Variants in RNFT2 observed in about 807,000 individuals in gnomAD.
RNFT2 encodes the protein ring finger protein, transmembrane 2.
RNFT2 carries 36 observed loss-of-function variants against 53.0 expected under a neutral mutation model. That is an observed-to-expected ratio of 0.68 (90% CI 0.52 to 0.90). The LOEUF is 0.90. RNFT2 is among the 40% of genes least tolerant of loss of function. The pLI is 0.00. For missense variants in RNFT2, 514 were observed against 585.6 expected (o/e 0.88, Z 1.26); for synonymous variants, 260 against 253.2 (o/e 1.03, Z -0.26).
chr12:116,738,681 G>T (rs1871440524), intron 1 of RNFT2: 1 of 152,190 alleles, frequency 6.6e-6, no homozygotes, highest in Admixed American at 6.5e-5. Flanking sequence ...ATTAAAAAGC[G>T]TTTCATTCAT....
intron 10 of RNFT2, among the ~76,000 whole-genome samples, chr12:116,848,832 T>G (rs542318961): frequency 1.3e-5 from 2 of 152,248 alleles, no homozygotes; most frequent in South Asian, 4.1e-4. Context: ...TTTGTTTTTT[T>G]GTTTTTAGAC....
chr12:116,782,692 A>C (rs1033266485), intron 7 of RNFT2, among the ~76,000 whole-genome samples: 1 of 152,072 alleles, frequency 6.6e-6, no homozygotes, highest in Non-Finnish European at 1.5e-5. Flanking sequence ...TCAGTAACCC[A>C]CTGAATCTCT....
At chr12:116,813,722 A>G (rs1875499898) in intron 7 of RNFT2, among the ~76,000 whole-genome samples, 1 of 152,250 alleles carries the variant, frequency 6.6e-6, no homozygotes, top group Non-Finnish European at 1.5e-5. Context: ...AAGGTAATTA[A>G]TTCATGAGAA....
intron 7 of RNFT2, among the ~76,000 whole-genome samples, chr12:116,800,757 T>TG (rs1269911471): frequency 1.3e-5 from 2 of 151,726 alleles, no homozygotes; most frequent in African/African-American, 4.9e-5. Flanking sequence ...GAGGTTGCAG[T>TG]GAGCTGAGAT....
In RNFT2 at chr12:116,851,939, T is replaced by TG. The variant is rs1382001311; in HGVS notation, c.*2493dup. The TG allele has an allele frequency of 2.0e-6, 3 of 1,530,934 alleles. No homozygotes were observed. In the African/African-American group the frequency reaches 4.1e-5, roughly 21 times the overall value. 94.8% of individuals were successfully genotyped at this position (1,530,934 alleles called of 1,614,324 possible). ...CTCCTGTGGACATTGCCATCCCCTC[T>TG]GGTAGCCTTCAGAGCAAACAGGACA... On this transcript the variant is annotated 3_prime_UTR_variant, in exon 11 of 11. Transcript: ENST00000257575.
At chr12:116,837,927 T>C (rs1877058965) in intron 10 of RNFT2, among the ~76,000 whole-genome samples, 1 of 152,144 alleles carries the variant, frequency 6.6e-6, no homozygotes, top group African/African-American at 2.4e-5. Context: ...AAAAGTTTAC[T>C]TTAAAAAAAA....
At chr12:116,742,120 T>G (rs1049034428) in intron 3 of RNFT2, among the ~76,000 whole-genome samples, 1 of 152,018 alleles carries the variant, frequency 6.6e-6, no homozygotes, top group Non-Finnish European at 1.5e-5. Flanking sequence ...CCAGCAATAG[T>G]CAGAGGGCAG....
chr12:116,791,902 G>A (rs747791287), intron 7 of RNFT2, among the ~76,000 whole-genome samples: 2 of 152,170 alleles, frequency 1.3e-5, no homozygotes, highest in Non-Finnish European at 2.9e-5. Flanking sequence ...AATGAAAACA[G>A]CCAGAGGCTA....
At chr12:116,774,609 CTTTCAGATCACATCCATCTGTTT>C (rs1873342372) in intron 6 of RNFT2, among the ~76,000 whole-genome samples, 1 of 152,130 alleles carries the variant, frequency 6.6e-6, no homozygotes, top group Non-Finnish European at 1.5e-5. Context: ...TCAAGTCAGC[CTTTCAGATCACATCCATCTGTTT>C]TGAAAATGAA....
intron 10 of RNFT2, among the ~76,000 whole-genome samples, chr12:116,837,133 G>C (rs1313635325): frequency 1.3e-5 from 2 of 152,128 alleles, no homozygotes; most frequent in African/African-American, 4.8e-5. Flanking sequence ...GTGCTGGCCG[G>C]TTCCTTTTAA....
intron 6 of RNFT2, 123 bp from the exon 7 acceptor site, chr12:116,779,072 C>T (rs933682552): frequency 3.7e-5 from 37 of 1,003,184 alleles, no homozygotes; most frequent in Middle Eastern, 2.6e-4. Flanking sequence ...AGGACACAGA[C>T]GTCTGACTCC....
chr12:116,808,787 T>A (rs1565866612), intron 7 of RNFT2, among the ~76,000 whole-genome samples: 1 of 152,326 alleles, frequency 6.6e-6, no homozygotes, highest in East Asian at 1.9e-4. Context: ...GGCCTCCTCC[T>A]GGGGAAATTA....
At chr12:116,753,928 T>C in intron 4 of RNFT2, 56 bp from the exon 5 acceptor site, 2 of 1,418,338 alleles carry the variant, frequency 1.4e-6, no homozygotes, top group Non-Finnish European at 2.0e-6. Flanking sequence ...GCTCAGCACC[T>C]GGGCTAGGCC....
At chr12:116,781,633 C>T (rs185842569) in intron 7 of RNFT2, among the ~76,000 whole-genome samples, 71 of 151,664 alleles carry the variant, frequency 4.7e-4, no homozygotes, top group South Asian at 4.6e-3. Context: ...TGTCGCATCT[C>T]CTGATTCTCG....
chr12:116,778,601 G>C (rs1412507989), intron 6 of RNFT2, among the ~76,000 whole-genome samples: 1 of 152,264 alleles, frequency 6.6e-6, no homozygotes, highest in Non-Finnish European at 1.5e-5. Flanking sequence ...CTGTATCCCA[G>C]CACTTTGGAA....
At chr12:116,813,060 A>T (rs111625819) in intron 7 of RNFT2, among the ~76,000 whole-genome samples, 3 of 152,106 alleles carry the variant, frequency 2.0e-5, no homozygotes, top group Non-Finnish European at 4.4e-5. Context: ...GGCTCAAGCC[A>T]TCTTCCTGCC....
intron 5 of RNFT2, among the ~76,000 whole-genome samples, chr12:116,757,679 T>A (rs1008982521): frequency 6.6e-6 from 1 of 152,222 alleles, no homozygotes; most frequent in Non-Finnish European, 1.5e-5. Context: ...TGCCGTGGTC[T>A]GAGAGAGTAC....
chr12:116,748,615 C>T (rs1872023869), intron 3 of RNFT2: 1 of 436,716 alleles, frequency 2.3e-6, no homozygotes, highest in Admixed American at 2.5e-5. Flanking sequence ...GTGGGCCTCC[C>T]AGCTAAGTCT....
chr12:116,806,740 T>G (rs1875101321), intron 7 of RNFT2, among the ~76,000 whole-genome samples: 1 of 139,490 alleles, frequency 7.2e-6, no homozygotes, highest in Non-Finnish European at 1.5e-5. Context: ...CAAGAGACCC[T>G]CTCTCAAAAA....
Sources: gnomAD v4.1 joint callset for allele counts (sites outside exome capture counted in the v4.1 genomes callset) on GRCh38, gnomAD v4.1.1 for gene constraint, MANE v1.5 for transcripts, NCBI Gene and HGNC (gene_info 2026-07-23, HGNC 2026-07-21) for gene names.